PIGN: variants seen among roughly 807,000 people sequenced by gnomAD.
PIGN encodes the protein phosphatidylinositol glycan anchor biosynthesis class N, also known as GPI ethanolamine phosphate transferase 1.
In PIGN, 117 loss-of-function variants were observed where a neutral mutation model predicts 125.4. That is an observed-to-expected ratio of 0.93 (90% CI 0.80 to 1.09). The LOEUF is 1.09. Among genes scored for constraint, PIGN ranks in the 50% least tolerant of loss-of-function variants. The probability of loss-of-function intolerance (pLI) is 0.00; values close to 1 mark genes in which losing one functional copy is unlikely to be tolerated. For synonymous variants in PIGN, 392 were observed against 377.8 expected (o/e 1.04, Z -0.44); for missense variants, 1,075 against 1,094.9 (o/e 0.98, Z 0.26).
In PIGN at chr18:62,085,222, C is replaced by G; in HGVS notation, c.2413G>C (p.Ala805Pro). ...ATTTAAAATTACCTGTTAATAGAAG[C>G]TATATTTCCAGTTCCAAAAAATGCT... ...VTAFFGTGNI[A>P]SINSFDLASV... Residue 805 changes from alanine to proline, a missense_variant, in exon 26 of 31, where the codon GCT becomes CCT. Physicochemically the swap from Ala to Pro is conservative, Grantham distance 27. This residue lies in a region of PIGN where 915 missense variants were observed against 908.7 expected (regional missense o/e 1.01). Transcript: ENST00000640252. The G allele has an allele frequency of 6.5e-7, 1 of 1,535,524 alleles. No individual in the cohort carries two copies. Among genetic ancestry groups the G allele is most frequent in the Non-Finnish European group, 8.8e-7 (1 of 1,133,656 alleles).
chr18:62,096,516 C>CTTTTTTTTTTTTTTTTTTT lies in PIGN; in HGVS notation c.2078-585_2078-567dup, dbSNP rs398033140. ...TATTAACTCAAAAATGAATTATTTTCTTTTTTTTTTTTTTTTTTTTTTTTT... is the reference window on the plus strand; with the variant it reads ...TATTAACTCAAAAATGAATTATTTTCTTTTTTTTTTTTTTTTTTTTTTTTTTTTTTTTTTTTTTTTTTTT... On this transcript the variant is annotated intron_variant, in intron 22 of 30. Transcript: ENST00000640252. 1.2e-4 allele frequency among the ~76,000 whole-genome samples: 10 copies of CTTTTTTTTTTTTTTTTTTT among 85,670 alleles called. 1 individual carries two copies. Among genetic ancestry groups the CTTTTTTTTTTTTTTTTTTT allele is most frequent in the African/African-American group, 2.2e-4 (4 of 18,366 alleles). 56.2% of individuals were successfully genotyped at this position (85,670 alleles called of 152,430 possible).
intron 30 of PIGN, among the ~76,000 whole-genome samples, chr18:62,046,455 C>A (rs572612278): frequency 1.1e-5 from 1 of 93,978 alleles, no homozygotes; most frequent in East Asian, 5.9e-4. Flanking sequence ...GGAGCACGAA[C>A]CCTGTCGTGA....
intron 2 of PIGN, among the ~76,000 whole-genome samples, chr18:62,162,704 T>C (rs532740792): frequency 6.6e-6 from 1 of 152,188 alleles, no homozygotes; most frequent in Non-Finnish European, 1.5e-5. Flanking sequence ...TTGCATCTCA[T>C]AGCTAACTGA....
Position 62,042,656 on chromosome 18 carries a change from C to CT in PIGN, c.*3199_*3200insA, listed in dbSNP as rs1290734225. On this transcript the variant is annotated 3_prime_UTR_variant, in exon 31 of 31. Coordinates refer to ENST00000640252, the MANE Select transcript of PIGN (RefSeq NM_176787.5). ...ATTTTGATTATTAATGTTTCCTTCTCATTTTTTTTTTAAATAACAAAGCAT... is the reference window on the plus strand; with the variant it reads ...ATTTTGATTATTAATGTTTCCTTCTCTATTTTTTTTTTAAATAACAAAGCAT... 4 of 129,612 alleles carry CT rather than the reference C, an allele frequency of 3.1e-5. No individual in the cohort carries two copies. Among genetic ancestry groups the CT allele is most frequent in the East Asian group, 6.4e-4 (2 of 3,120 alleles). 8.0% of individuals were successfully genotyped at this position (129,612 alleles called of 1,614,324 possible). A position where few individuals can be genotyped will look rare whatever the true frequency, so the allele number is the denominator to read the frequency against.
At position 62,163,536 on chromosome 18, in the gene PIGN, A is replaced by G. The variant is rs892858946; in HGVS notation, c.-115T>C. On this transcript the variant is annotated 5_prime_UTR_variant, in exon 2 of 31. Coordinates refer to ENST00000640252, the MANE Select transcript of PIGN (RefSeq NM_176787.5). ...GTATCTATATCTAAATTTACCTTCC[A>G]GGTTTATCATCATCTGTTCAAAAAG... The G allele has an allele frequency of 6.6e-6, 1 of 152,240 alleles. No homozygotes were observed. The highest frequency in any genetic ancestry group is 1.5e-5 in the Non-Finnish European group (1 of 68,038). 9.4% of individuals were successfully genotyped at this position (152,240 alleles called of 1,614,324 possible).
chr18:62,122,001 G>A (rs897507826), intron 14 of PIGN, among the ~76,000 whole-genome samples: 17 of 152,062 alleles, frequency 1.1e-4, no homozygotes, highest in Non-Finnish European at 2.2e-4. Flanking sequence ...CAGTACACAG[G>A]GAGTAGAGAG....
chr18:62,153,292 G>T (rs1261703585), intron 7 of PIGN, among the ~76,000 whole-genome samples: 1 of 152,104 alleles, frequency 6.6e-6, no homozygotes, highest in Non-Finnish European at 1.5e-5. Flanking sequence ...TACCAATGCT[G>T]ATGACTTCAT....
At chr18:62,075,282 T>C (rs1443625637) in intron 28 of PIGN, 1 of 153,222 alleles carries the variant, frequency 6.5e-6, no homozygotes, top group Non-Finnish European at 1.5e-5. Context: ...TGCCATTTTA[T>C]AGCCACATCT....
intron 3 of PIGN, among the ~76,000 whole-genome samples, chr18:62,161,803 T>C (rs1320172983): frequency 2.0e-5 from 3 of 152,204 alleles, no homozygotes; most frequent in Non-Finnish European, 4.4e-5. Context: ...ATGACAATCA[T>C]TGCCAATAAC....
At chr18:62,060,995 A>G (rs998145622) in intron 30 of PIGN, among the ~76,000 whole-genome samples, 27 of 152,210 alleles carry the variant, frequency 1.8e-4, no homozygotes, top group African/African-American at 6.3e-4. Flanking sequence ...CCTGGGCAGG[A>G]TATTTTTCAC....
chr18:62,026,807 C>A (rs2030124888), intron 23 of PIGN, among the ~76,000 whole-genome samples: 1 of 152,232 alleles, frequency 6.6e-6, no homozygotes, highest in Non-Finnish European at 1.5e-5. Flanking sequence ...GGAGGCAACA[C>A]CTTAGTCATC....
downstream of PIGN, among the ~76,000 whole-genome samples, chr18:62,037,371 C>G (rs2030274204): frequency 6.6e-6 from 1 of 152,260 alleles, no homozygotes; most frequent in African/African-American, 2.4e-5. Context: ...AGGCTGATAT[C>G]TACCTTGGTT....
At chr18:62,125,840 CTAAA>C (rs1226483107) in intron 14 of PIGN, among the ~76,000 whole-genome samples, 1 of 151,892 alleles carries the variant, frequency 6.6e-6, no homozygotes, top group Non-Finnish European at 1.5e-5. Flanking sequence ...ACTAGAATAA[CTAAA>C]TATTTTAAAA....
chr18:62,132,906 T>G (rs1001267402), intron 14 of PIGN, among the ~76,000 whole-genome samples: 11 of 152,186 alleles, frequency 7.2e-5, no homozygotes, highest in African/African-American at 2.4e-4. Context: ...TCCTACTGAT[T>G]TGAAACACTA....
At chr18:62,165,463 T>C (rs903314803) in intron 1 of PIGN, among the ~76,000 whole-genome samples, 5 of 152,230 alleles carry the variant, frequency 3.3e-5, no homozygotes, top group African/African-American at 1.2e-4. Context: ...ATTTCTGGTT[T>C]GAGCATGTGA....
chr18:62,171,854 A>G (rs1480644476), intron 1 of PIGN, among the ~76,000 whole-genome samples: 24 of 152,092 alleles, frequency 1.6e-4, no homozygotes, highest in Admixed American at 1.5e-3. Flanking sequence ...TCCTTTCTAC[A>G]TATTGTTGGT....
At chr18:62,073,170 GGTGTGTGTGTGTGT>G (rs34182707) in intron 29 of PIGN, among the ~76,000 whole-genome samples, 26,241 of 145,468 alleles carry the variant, frequency 0.18, 3,073 homozygotes, top group Middle Eastern at 0.31. Context: ...AATTATCAGG[GGTGTGTGTGTGTGT>G]GTGTGTGTGT....
At chr18:62,173,447 G>T (rs2037408722) in intron 1 of PIGN, among the ~76,000 whole-genome samples, 2 of 152,120 alleles carry the variant, frequency 1.3e-5, no homozygotes, top group South Asian at 2.1e-4. Flanking sequence ...ACCCAGGCTG[G>T]TCTTGAACTC....
At chr18:62,026,988 A>G (rs921328959) in intron 23 of PIGN, among the ~76,000 whole-genome samples, 8 of 152,198 alleles carry the variant, frequency 5.3e-5, no homozygotes, top group African/African-American at 1.7e-4. Flanking sequence ...GGATCACCTG[A>G]GGTCAGGAGT....
Sources: allele counts gnomAD v4.1 joint callset (sites outside exome capture counted in the v4.1 genomes callset), GRCh38; gene constraint gnomAD v4.1.1; regional missense constraint gnomAD v4.1.1; transcripts MANE v1.5; gene names NCBI Gene and HGNC (gene_info 2026-07-23, HGNC 2026-07-21).